EPHA6: variants seen among roughly 807,000 people sequenced by gnomAD.
The protein encoded by EPHA6 is EPH receptor A6, also known as ephrin type-A receptor 6.
Under a neutral mutation model 112.0 loss-of-function variants are expected in EPHA6, and 50 were observed. That is an observed-to-expected ratio of 0.45 (90% confidence interval 0.36 to 0.56). EPHA6 has a LOEUF of 0.56. EPHA6 is among the 20% of genes least tolerant of loss of function. The pLI is 0.00. For missense variants in EPHA6, 1,280 were observed against 1,417.4 expected (o/e 0.90, Z 1.56); for synonymous variants, 529 against 490.7 (o/e 1.08, Z -1.03).
chr3:97,069,391 T>C (rs1048000747), intron 3 of EPHA6, among the ~76,000 whole-genome samples: 4 of 152,132 alleles, frequency 2.6e-5, no homozygotes, highest in Admixed American at 6.6e-5. Context: ...GTCTCAGAGG[T>C]AACAGAGTTG....
At chr3:97,566,329 A>G (rs1194581865) in intron 11 of EPHA6, among the ~76,000 whole-genome samples, 1 of 152,138 alleles carries the variant, frequency 6.6e-6, no homozygotes. Flanking sequence ...CACCTCCAAC[A>G]TTGGGAATCA....
intron 5 of EPHA6, among the ~76,000 whole-genome samples, chr3:97,396,260 A>G (rs1016646970): frequency 2.0e-5 from 3 of 150,016 alleles, no homozygotes; most frequent in Non-Finnish European, 4.4e-5. Flanking sequence ...ATATGCACGC[A>G]TGCACACACA....
chr3:97,219,623 G>T (rs998999587), intron 3 of EPHA6, among the ~76,000 whole-genome samples: 4 of 152,112 alleles, frequency 2.6e-5, no homozygotes, highest in African/African-American at 9.7e-5. Context: ...GCTGGGCCCT[G>T]GGCCCAGCCC....
At chr3:96,993,031 G>A (rs943421177) in intron 3 of EPHA6, among the ~76,000 whole-genome samples, 6 of 152,166 alleles carry the variant, frequency 3.9e-5, no homozygotes, top group African/African-American at 1.4e-4. Context: ...TAAAAGTGCA[G>A]CCTGTTGGTG....
intron 3 of EPHA6, among the ~76,000 whole-genome samples, chr3:97,076,698 T>G (rs1316041735): frequency 6.6e-5 from 10 of 152,146 alleles, no homozygotes; most frequent in Admixed American, 5.2e-4. Flanking sequence ...TGCCTGACTT[T>G]GAAGCTTCAA....
intron 16 of EPHA6, among the ~76,000 whole-genome samples, chr3:97,742,843 ATTC>A (rs1172156966): frequency 2.6e-5 from 4 of 152,132 alleles, no homozygotes; most frequent in East Asian, 3.9e-4. Context: ...GATTATGTAA[ATTC>A]TTCTTCCAAG....
intron 1 of EPHA6, among the ~76,000 whole-genome samples, chr3:96,840,570 G>A (rs1320968912): frequency 3.9e-5 from 6 of 152,088 alleles, no homozygotes. Context: ...ATGAGGAGAT[G>A]AATGACTTGC....
intron 11 of EPHA6, among the ~76,000 whole-genome samples, chr3:97,541,245 G>T (rs1045209545): frequency 1.3e-5 from 2 of 152,176 alleles, no homozygotes; most frequent in Admixed American, 1.3e-4. Context: ...ATATGTTACC[G>T]TGCCATTTTT....
chr3:97,227,105 T>G (rs1451615958), intron 4 of EPHA6, among the ~76,000 whole-genome samples: 5 of 152,174 alleles, frequency 3.3e-5, no homozygotes, highest in Non-Finnish European at 7.4e-5. Flanking sequence ...ATTAATACAT[T>G]GCTAAGTTAT....
At chr3:97,027,627 G>A (rs1283271347) in intron 3 of EPHA6, among the ~76,000 whole-genome samples, 1 of 152,100 alleles carries the variant, frequency 6.6e-6, no homozygotes, top group East Asian at 1.9e-4. Flanking sequence ...GACATTAACA[G>A]GTTAATGAAG....
chr3:97,545,524 A>G (rs2092931785), intron 11 of EPHA6, among the ~76,000 whole-genome samples: 2 of 152,196 alleles, frequency 1.3e-5, no homozygotes, highest in Admixed American at 6.5e-5. Context: ...TGTGGTGCTG[A>G]AAAGAATGTA....
intron 3 of EPHA6, among the ~76,000 whole-genome samples, chr3:97,006,879 G>A (rs1368825200): frequency 6.6e-6 from 1 of 152,162 alleles, no homozygotes; most frequent in Non-Finnish European, 1.5e-5. Flanking sequence ...TCATTCAGGA[G>A]CAGGTTGTTC....
rs78014520 is a variant in EPHA6, at chr3:97,405,431, A to C, written c.1731+157A>C. ...TTCTTTGAATCCTCTCTAACTTACT[A>C]TTCTGCTTGTAAGTTATTGATTAAT... On this transcript the variant is annotated intron_variant, in intron 6 of 17. Transcript: ENST00000389672. Among the ~76,000 whole-genome samples the C allele has an allele frequency of 1.3e-3, 191 of 152,072 alleles. 7 individuals are homozygous for C. The East Asian group carries it at 0.034, about 27-fold the overall frequency.
At chr3:96,969,452 A>G (rs1196489917) in intron 2 of EPHA6, among the ~76,000 whole-genome samples, 2 of 151,900 alleles carry the variant, frequency 1.3e-5, no homozygotes, top group Admixed American at 1.3e-4. Context: ...CCATCCCTAT[A>G]CAACTGAAAT....
intron 5 of EPHA6, among the ~76,000 whole-genome samples, chr3:97,296,183 C>T (rs1429224463): frequency 2.6e-5 from 4 of 152,066 alleles, no homozygotes; most frequent in East Asian, 1.9e-4. Flanking sequence ...CTGGGTGGGC[C>T]GGTCCCCAGA....
chr3:96,975,469 A>T (rs2042484862), intron 2 of EPHA6, among the ~76,000 whole-genome samples: 1 of 152,166 alleles, frequency 6.6e-6, no homozygotes, highest in Non-Finnish European at 1.5e-5. Flanking sequence ...ATTCTTGGGT[A>T]TTGGATTCCT....
At chr3:96,897,583 C>G (rs1388231120) in intron 2 of EPHA6, among the ~76,000 whole-genome samples, 4 of 152,148 alleles carry the variant, frequency 2.6e-5, no homozygotes, top group Non-Finnish European at 5.9e-5. Flanking sequence ...TCTTTTGCAG[C>G]CTCTTCCTTC....
chr3:97,211,674 A>G (rs1199205079), intron 3 of EPHA6, among the ~76,000 whole-genome samples: 1 of 152,184 alleles, frequency 6.6e-6, no homozygotes, highest in East Asian at 1.9e-4. Context: ...CCCATCTTCA[A>G]ATATGATTGC....
intron 2 of EPHA6, among the ~76,000 whole-genome samples, chr3:96,893,698 G>A (rs1163409875): frequency 1.3e-5 from 2 of 152,186 alleles, no homozygotes; most frequent in African/African-American, 4.8e-5. Context: ...GGAGAAACTT[G>A]CAGTGATCTA....
Sources: allele counts gnomAD v4.1 joint callset (sites outside exome capture counted in the v4.1 genomes callset), GRCh38; gene constraint gnomAD v4.1.1; transcripts MANE v1.5; gene names NCBI Gene and HGNC (gene_info 2026-07-23, HGNC 2026-07-21).